The following CCSER1 variants were observed in gnomAD, a reference collection of about 807,000 sequenced individuals.
CCSER1 encodes the protein coiled-coil serine rich protein 1.
In CCSER1, 41 loss-of-function variants were observed where a neutral mutation model predicts 82.0. The ratio of observed to expected loss-of-function variants is 0.50; its 90% CI spans 0.39 to 0.65. The LOEUF is 0.65. CCSER1 is among the 30% of genes least tolerant of loss of function. CCSER1 has a pLI of 0.00. For missense variants in CCSER1, 1,119 were observed against 1,064.2 expected (o/e 1.05, Z -0.72); for synonymous variants, 414 against 383.9 (o/e 1.08, Z -0.92).
At chr4:90,131,682 A>G (rs951998153) in intron 1 of CCSER1, among the ~76,000 whole-genome samples, 6 of 152,284 alleles carry the variant, frequency 3.9e-5, no homozygotes, top group African/African-American at 1.4e-4. Context: ...GCAGCCACAT[A>G]ATAGTTAATC....
intron 10 of CCSER1, among the ~76,000 whole-genome samples, chr4:91,200,786 TA>T (rs1313108331): frequency 6.6e-6 from 1 of 152,028 alleles, no homozygotes; most frequent in Non-Finnish European, 1.5e-5. Context: ...AAATTCTCTT[TA>T]ATACCAGATT....
chr4:90,929,759 C>T (rs199551093), intron 9 of CCSER1, among the ~76,000 whole-genome samples: 1 of 152,072 alleles, frequency 6.6e-6, no homozygotes, highest in East Asian at 1.9e-4. Flanking sequence ...TGTTGCTGGT[C>T]CAAGGTTATA....
intron 4 of CCSER1, among the ~76,000 whole-genome samples, chr4:90,436,817 T>A (rs139152651): frequency 6.6e-6 from 1 of 152,072 alleles, no homozygotes; most frequent in African/African-American, 2.4e-5. Context: ...TTCCTTTTTT[T>A]TTTTTTTGAG....
intron 10 of CCSER1, among the ~76,000 whole-genome samples, chr4:91,160,889 A>G (rs1230899658): frequency 6.6e-6 from 1 of 152,142 alleles, no homozygotes; most frequent in Non-Finnish European, 1.5e-5. Flanking sequence ...TTTGCTGTGC[A>G]GGAGCCCTTT....
intron 5 of CCSER1, among the ~76,000 whole-genome samples, chr4:90,582,448 C>T (rs1262735134): frequency 6.6e-6 from 1 of 152,160 alleles, no homozygotes; most frequent in Non-Finnish European, 1.5e-5. Flanking sequence ...AGTGTTAAAA[C>T]ATGGGTGACA....
At chr4:90,156,487 A>G (rs1057074479) in intron 1 of CCSER1, among the ~76,000 whole-genome samples, 11 of 152,156 alleles carry the variant, frequency 7.2e-5, no homozygotes, top group Non-Finnish European at 1.2e-4. Flanking sequence ...AAAGTCTCCC[A>G]TTATTAATGT....
intron 4 of CCSER1, among the ~76,000 whole-genome samples, chr4:90,444,791 T>G (rs1760401534): frequency 6.6e-6 from 1 of 152,068 alleles, no homozygotes; most frequent in Admixed American, 6.6e-5. Flanking sequence ...ACAATACCTT[T>G]ATTAAAAGGG....
chr4:91,236,195 A>G (rs572503433), intron 10 of CCSER1, among the ~76,000 whole-genome samples: 4 of 152,254 alleles, frequency 2.6e-5, no homozygotes, highest in African/African-American at 7.2e-5. Flanking sequence ...TACATATAAA[A>G]AAATACTTTC....
intron 9 of CCSER1, among the ~76,000 whole-genome samples, chr4:90,933,412 C>T (rs1367920941): frequency 6.6e-6 from 1 of 151,844 alleles, no homozygotes; most frequent in African/African-American, 2.4e-5. Context: ...TGGTCTCAAT[C>T]TCCTGACCTC....
intron 10 of CCSER1, among the ~76,000 whole-genome samples, chr4:91,151,738 A>G (rs1730225914): frequency 2.6e-5 from 4 of 152,218 alleles, no homozygotes; most frequent in Admixed American, 2.0e-4. Flanking sequence ...TGTACCCAGT[A>G]GTCATTCAAG....
intron 4 of CCSER1, among the ~76,000 whole-genome samples, chr4:90,443,247 C>T (rs1278245988): frequency 6.6e-6 from 1 of 152,022 alleles, no homozygotes; most frequent in Non-Finnish European, 1.5e-5. Flanking sequence ...TTAAAGGGAG[C>T]ACTTTACAGC....
chr4:91,381,960 C>T (rs976676705), intron 10 of CCSER1, among the ~76,000 whole-genome samples: 1 of 152,180 alleles, frequency 6.6e-6, no homozygotes, highest in South Asian at 2.1e-4. Context: ...TTCCTTCTAA[C>T]AGTCAGGACC....
At chr4:90,509,138 A>AT (rs1560633303) in intron 5 of CCSER1, among the ~76,000 whole-genome samples, 1 of 152,098 alleles carries the variant, frequency 6.6e-6, no homozygotes, top group Admixed American at 6.6e-5. Context: ...GTATTTTCAC[A>AT]TATGTGTGTC....
chr4:90,877,407 T>C (rs954924279), intron 8 of CCSER1, among the ~76,000 whole-genome samples: 10 of 152,080 alleles, frequency 6.6e-5, no homozygotes, highest in African/African-American at 2.4e-4. Context: ...GAAAGTATAA[T>C]CAATTGAAAA....
intron 9 of CCSER1, among the ~76,000 whole-genome samples, chr4:90,970,238 A>G (rs898658907): frequency 1.3e-5 from 2 of 151,970 alleles, no homozygotes; most frequent in African/African-American, 2.4e-5. Context: ...ACAGACATAG[A>G]CAGGAAATGA....
chr4:90,208,702 A>T (rs1022348341), intron 1 of CCSER1, among the ~76,000 whole-genome samples: 1 of 152,168 alleles, frequency 6.6e-6, no homozygotes, highest in Non-Finnish European at 1.5e-5. Context: ...TATCTGGGCC[A>T]GAATGCACTG....
intron 8 of CCSER1, among the ~76,000 whole-genome samples, chr4:90,816,798 C>T (rs1759077336): frequency 1.3e-5 from 2 of 152,034 alleles, no homozygotes; most frequent in African/African-American, 4.8e-5. Context: ...ACTTTATAGA[C>T]CATCGAACTT....
At chr4:91,403,194 T>G (rs1189628513) in intron 10 of CCSER1, among the ~76,000 whole-genome samples, 3 of 152,142 alleles carry the variant, frequency 2.0e-5, no homozygotes, top group African/African-American at 7.2e-5. Flanking sequence ...TGGATCTCTG[T>G]TTGTCTGTTA....
intron 10 of CCSER1, among the ~76,000 whole-genome samples, chr4:91,442,284 A>G (rs997675061): frequency 7.9e-5 from 12 of 152,112 alleles, no homozygotes; most frequent in African/African-American, 2.9e-4. Context: ...ATATAGATCA[A>G]TGGAACAGAA....
Sources: gnomAD v4.1 joint callset for allele counts (sites outside exome capture counted in the v4.1 genomes callset) on GRCh38, gnomAD v4.1.1 for gene constraint, MANE v1.5 for transcripts, NCBI Gene and HGNC (gene_info 2026-07-23, HGNC 2026-07-21) for gene names.